The following DIAPH2 variants were observed in gnomAD, a reference collection of about 807,000 sequenced individuals.
DIAPH2 encodes the protein diaphanous related formin 2.
In DIAPH2, 35 loss-of-function variants were observed where a neutral mutation model predicts 92.7. That is an observed-to-expected ratio of 0.38 (90% confidence interval 0.29 to 0.50). DIAPH2 has a LOEUF of 0.50. DIAPH2 is among the 20% of genes least tolerant of loss of function. The pLI is 0.94. For synonymous variants in DIAPH2, 301 were observed against 280.4 expected (o/e 1.07, Z -0.73); for missense variants, 701 against 819.5 (o/e 0.86, Z 1.77).
At chrX:97,133,564 G>A (rs1277393729) in intron 21 of DIAPH2, among the ~76,000 whole-genome samples, 1 of 112,207 alleles carries the variant, frequency 8.9e-6, no homozygotes, top group Admixed American at 9.4e-5. Flanking sequence ...TGAGATTATA[G>A]GCGTGAGCCA....
At chrX:97,543,348 A>G (rs2071155112) in intron 26 of DIAPH2, among the ~76,000 whole-genome samples, 1 of 111,878 alleles carries the variant, frequency 8.9e-6, no homozygotes. Context: ...AGGAGTTCAC[A>G]AGGCCAGCCC....
At chrX:97,099,260 T>G (rs907248856) in intron 19 of DIAPH2, among the ~76,000 whole-genome samples, 3 of 109,691 alleles carry the variant, frequency 2.7e-5, no homozygotes, top group African/African-American at 6.6e-5. Flanking sequence ...CAGCTACTCG[T>G]GAGGCTGAGG....
intron 3 of DIAPH2, among the ~76,000 whole-genome samples, chrX:96,749,128 GAA>G (rs759288156): frequency 0.07 from 3,872 of 55,302 alleles, 88 homozygotes; most frequent in Middle Eastern, 0.19. Context: ...TACCCCATCA[GAA>G]AAAAAAAAAA....
At chrX:97,182,851 T>C (rs1029834795) in intron 22 of DIAPH2, among the ~76,000 whole-genome samples, 1 of 111,179 alleles carries the variant, frequency 9.0e-6, no homozygotes, top group Non-Finnish European at 1.9e-5. Context: ...GATGAACATA[T>C]GGTACTAGAA....
chrX:96,852,575 T>C (rs2065013054), intron 4 of DIAPH2, among the ~76,000 whole-genome samples: 1 of 111,434 alleles, frequency 9.0e-6, no homozygotes, highest in Non-Finnish European at 1.9e-5. Context: ...TGAGTTAACA[T>C]ATTGGCCTGG....
chrX:96,908,175 T>C (rs1339818357), intron 5 of DIAPH2, among the ~76,000 whole-genome samples: 3 of 111,737 alleles, frequency 2.7e-5, no homozygotes, highest in African/African-American at 9.8e-5. Flanking sequence ...ACGTTTTATA[T>C]CTTATTTGTA....
intron 4 of DIAPH2, among the ~76,000 whole-genome samples, chrX:96,856,585 T>TA (rs2065041326): frequency 1.7e-5 from 1 of 58,759 alleles, no homozygotes; most frequent in Non-Finnish European, 2.7e-5. Flanking sequence ...ATATATATAT[T>TA]TAAAAAAAAA....
At chrX:97,497,336 G>A (rs1356944896) in intron 26 of DIAPH2, among the ~76,000 whole-genome samples, 2 of 110,930 alleles carry the variant, frequency 1.8e-5, no homozygotes, top group Admixed American at 9.6e-5. Context: ...TCTGGCCTGT[G>A]TGTGCTGCCC....
At chrX:97,354,964 TC>T (rs1238663595) in intron 24 of DIAPH2, among the ~76,000 whole-genome samples, 1 of 112,455 alleles carries the variant, frequency 8.9e-6, no homozygotes, top group African/African-American at 3.2e-5. Flanking sequence ...CCTTTATTGC[TC>T]CCATAGCTGG....
At position 96,707,860 on chromosome X, in the gene DIAPH2, G is replaced by A. The variant is rs775704973; in HGVS notation, c.132+22670G>A. Among the ~76,000 whole-genome samples the A allele has an allele frequency of 4.5e-5, 5 of 111,416 alleles. No individual in the cohort carries two copies. In the East Asian group the frequency reaches 1.1e-3, roughly 25 times the overall value. On this transcript the variant is annotated intron_variant, in intron 1 of 26. Coordinates refer to ENST00000324765, the MANE Select transcript of DIAPH2 (RefSeq NM_006729.5). ...TTCTTTAGTTCTGCGGATGCTAGGA[G>A]CATGCTGTATTCTAAAAAGTGTTTG...
intron 22 of DIAPH2, among the ~76,000 whole-genome samples, chrX:97,237,566 T>C (rs1367705947): frequency 9.4e-6 from 1 of 106,320 alleles, no homozygotes; most frequent in East Asian, 2.8e-4. Context: ...AAAAAGATTT[T>C]TCTTTTTCTT....
chrX:97,503,791 G>A (rs762248899), intron 26 of DIAPH2, among the ~76,000 whole-genome samples: 3 of 111,994 alleles, frequency 2.7e-5, no homozygotes, highest in Non-Finnish European at 5.6e-5. Context: ...GAAAATCCCA[G>A]TGGCAAAAAT....
At chrX:97,544,011 C>T (rs1183130830) in intron 26 of DIAPH2, among the ~76,000 whole-genome samples, 3 of 111,972 alleles carry the variant, frequency 2.7e-5, no homozygotes, top group African/African-American at 9.7e-5. Flanking sequence ...GTAAATAGAT[C>T]GTTTGATGCT....
intron 4 of DIAPH2, among the ~76,000 whole-genome samples, chrX:96,773,465 G>C (rs777524788): frequency 3.6e-5 from 4 of 111,367 alleles, no homozygotes; most frequent in South Asian, 3.8e-4. Flanking sequence ...TGAAGACAGA[G>C]AGAAAAGATG....
intron 17 of DIAPH2, among the ~76,000 whole-genome samples, chrX:96,977,273 G>T (rs995090965): frequency 1.8e-5 from 2 of 111,846 alleles, no homozygotes; most frequent in African/African-American, 6.5e-5. Flanking sequence ...AAGAAATAAG[G>T]TTCTTTCTAT....
chrX:97,008,700 G>A (rs1455981506), intron 17 of DIAPH2, among the ~76,000 whole-genome samples: 1 of 111,658 alleles, frequency 9.0e-6, no homozygotes, highest in Non-Finnish European at 1.9e-5. Flanking sequence ...TGCCTTGGTG[G>A]TATTGGATAA....
chrX:97,139,555 C>T (rs1393422387), intron 21 of DIAPH2, among the ~76,000 whole-genome samples: 2 of 109,061 alleles, frequency 1.8e-5, no homozygotes, highest in Non-Finnish European at 3.8e-5. Flanking sequence ...GCCATGTTTG[C>T]CCATGCTTTG....
chrX:97,235,339 C>T (rs2068039261), intron 22 of DIAPH2, among the ~76,000 whole-genome samples: 1 of 111,651 alleles, frequency 9.0e-6, no homozygotes, highest in South Asian at 3.8e-4. Flanking sequence ...GGCACAGTGG[C>T]TCATGCCTGT....
chrX:97,305,418 A>G (rs777954018), intron 23 of DIAPH2, among the ~76,000 whole-genome samples: 4 of 110,625 alleles, frequency 3.6e-5, no homozygotes, highest in Non-Finnish European at 5.7e-5. Flanking sequence ...ACTTGAACCC[A>G]GGAGGCAGAG....
Sources: gnomAD v4.1 joint callset for allele counts (sites outside exome capture counted in the v4.1 genomes callset) on GRCh38, gnomAD v4.1.1 for gene constraint, MANE v1.5 for transcripts, NCBI Gene and HGNC (gene_info 2026-07-23, HGNC 2026-07-21) for gene names.